CRY1: variants seen among roughly 807,000 people sequenced by gnomAD.
CRY1 encodes cryptochrome circadian regulator 1.
CRY1 carries 45 observed loss-of-function variants against 76.0 expected under a neutral mutation model. That is an observed-to-expected ratio of 0.59 (90% confidence interval 0.47 to 0.76). CRY1 has a LOEUF of 0.76. CRY1 is among the 30% of genes least tolerant of loss of function. The pLI is 0.00. For missense variants in CRY1, 587 were observed against 716.4 expected (o/e 0.82, Z 2.06); for synonymous variants, 248 against 244.0 (o/e 1.02, Z -0.15).
intron 2 of CRY1, among the ~76,000 whole-genome samples, chr12:107,015,315 T>C (rs908616271): frequency 6.6e-6 from 1 of 151,532 alleles, no homozygotes; most frequent in Non-Finnish European, 1.5e-5. Context: ...TTTTTACATC[T>C]TAACCAGAGA....
At chr12:107,072,038 C>A (rs1386850875) in intron 1 of CRY1, among the ~76,000 whole-genome samples, 1 of 152,190 alleles carries the variant, frequency 6.6e-6, no homozygotes, top group Non-Finnish European at 1.5e-5. Flanking sequence ...AGGAGTATTT[C>A]ATGGAAACTT....
intron 10 of CRY1, among the ~76,000 whole-genome samples, chr12:106,993,254 AT>A (rs1246854812): frequency 1.3e-5 from 2 of 151,960 alleles, no homozygotes; most frequent in Non-Finnish European, 2.9e-5. Context: ...AGGAAAAATC[AT>A]TGATGATCAT....
At chr12:107,057,076 T>TA (rs199629011) in intron 1 of CRY1, among the ~76,000 whole-genome samples, 2 of 151,424 alleles carry the variant, frequency 1.3e-5, no homozygotes, top group African/African-American at 2.4e-5. Flanking sequence ...CATGTAACAA[T>TA]AAAAAAAAGA....
At chr12:107,049,703 C>T (rs1952895366) in intron 1 of CRY1, 1 of 152,162 alleles carries the variant, frequency 6.6e-6, no homozygotes, top group African/African-American at 2.4e-5. Context: ...GTGTAACTCT[C>T]TGATGGCTTC....
At chr12:107,005,353 C>T (rs573224906) in intron 2 of CRY1, 105 bp from the exon 3 acceptor site, 23 of 1,223,546 alleles carry the variant, frequency 1.9e-5, no homozygotes, top group East Asian at 2.4e-5. Flanking sequence ...AAGGATTATA[C>T]ATAAATCAAA....
chr12:107,010,028 G>T lies in CRY1; in HGVS notation c.268-4780C>A, dbSNP rs373825604. ...TCTAAGGGCTTGAAGTTTGTTTATG[G>T]GAAGGTTTTTAATTACAAATTCAAT... On this transcript the variant is annotated intron_variant, in intron 2 of 12. Coordinates refer to ENST00000008527, the MANE Select transcript of CRY1 (RefSeq NM_004075.5). Among the ~76,000 whole-genome samples, 13 of 152,170 alleles carry T rather than the reference G, an allele frequency of 8.5e-5. No homozygotes were observed. The East Asian group carries it at 2.5e-3, about 29-fold the overall frequency.
At chr12:107,080,353 AAC>A (rs1182509215) in intron 1 of CRY1, among the ~76,000 whole-genome samples, 2 of 152,024 alleles carry the variant, frequency 1.3e-5, no homozygotes, top group Non-Finnish European at 2.9e-5. Context: ...GATACATACA[AAC>A]ACACACACAC....
At chr12:107,005,083 G>GC (rs1952355715) in intron 3 of CRY1, 23 bp downstream of exon 3, 1 of 1,514,774 alleles carries the variant, frequency 6.6e-7, no homozygotes, top group African/African-American at 1.4e-5. Context: ...TTTTCCCACA[G>GC]TAAAAAAAAA....
At chr12:107,074,537 T>C (rs1414491567) in intron 1 of CRY1, among the ~76,000 whole-genome samples, 1 of 152,166 alleles carries the variant, frequency 6.6e-6, no homozygotes, top group Non-Finnish European at 1.5e-5. Context: ...AACCCTAATA[T>C]CCAATTATTT....
At chr12:107,080,589 A>G (rs1236019904) in intron 1 of CRY1, among the ~76,000 whole-genome samples, 1 of 152,078 alleles carries the variant, frequency 6.6e-6, no homozygotes, top group Non-Finnish European at 1.5e-5. Context: ...AGCACAGAAG[A>G]GTCCTTTAAT....
At chr12:107,069,390 A>C (rs1953151087) in intron 1 of CRY1, among the ~76,000 whole-genome samples, 1 of 151,254 alleles carries the variant, frequency 6.6e-6, no homozygotes, top group African/African-American at 2.4e-5. Context: ...ACGCCCAGCT[A>C]ATTTTTTGTA....
intron 1 of CRY1, among the ~76,000 whole-genome samples, chr12:107,023,837 G>A (rs1952581953): frequency 6.6e-6 from 1 of 152,096 alleles, no homozygotes; most frequent in African/African-American, 2.4e-5. Context: ...CACTACCAAT[G>A]TACAAATATT....
intron 2 of CRY1, among the ~76,000 whole-genome samples, chr12:107,019,227 A>T (rs1952527330): frequency 6.6e-6 from 1 of 151,770 alleles, no homozygotes; most frequent in South Asian, 2.1e-4. Context: ...TTTTTTTTTT[A>T]AACATATGCA....
intron 1 of CRY1, among the ~76,000 whole-genome samples, chr12:107,071,585 C>T (rs1408253358): frequency 1.3e-5 from 2 of 152,090 alleles, no homozygotes; most frequent in Non-Finnish European, 2.9e-5. Flanking sequence ...CTATCTAAGC[C>T]TGATGTTTTT....
chr12:107,011,265 G>A (rs1235250246), intron 2 of CRY1, among the ~76,000 whole-genome samples: 2 of 151,890 alleles, frequency 1.3e-5, no homozygotes, highest in East Asian at 1.9e-4. Flanking sequence ...CAGGAGAATC[G>A]TTTGAACCCG....
intron 1 of CRY1, among the ~76,000 whole-genome samples, chr12:107,052,294 T>G (rs1296716403): frequency 6.6e-6 from 1 of 152,158 alleles, no homozygotes; most frequent in African/African-American, 2.4e-5. Flanking sequence ...GATTTGAGAC[T>G]CTCCTAAAAT....
chr12:107,038,054 T>C (rs1427449858), intron 1 of CRY1, among the ~76,000 whole-genome samples: 1 of 151,980 alleles, frequency 6.6e-6, no homozygotes, highest in Non-Finnish European at 1.5e-5. Context: ...GAGTAGAAAA[T>C]AAGTACCAGG....
intron 1 of CRY1, among the ~76,000 whole-genome samples, chr12:107,088,479 A>G (rs1953429817): frequency 6.6e-6 from 1 of 151,530 alleles, no homozygotes; most frequent in Admixed American, 6.6e-5. Context: ...TAATAACACA[A>G]ACAGACTAAG....
chr12:107,074,787 G>A (rs139196928), intron 1 of CRY1, among the ~76,000 whole-genome samples: 5,935 of 152,260 alleles, frequency 0.039, 153 homozygotes, highest in Non-Finnish European at 0.061. Context: ...GGCTGAGGCG[G>A]GTGGATTACC....
Sources: allele counts gnomAD v4.1 joint callset (sites outside exome capture counted in the v4.1 genomes callset), GRCh38; gene constraint gnomAD v4.1.1; transcripts MANE v1.5; gene names NCBI Gene and HGNC (gene_info 2026-07-23, HGNC 2026-07-21).